SGCZ: variants seen among roughly 807,000 people sequenced by gnomAD.
SGCZ encodes the protein zeta-sarcoglycan.
SGCZ carries 40 observed loss-of-function variants against 41.3 expected under a neutral mutation model. The ratio of observed to expected loss-of-function variants is 0.97; its 90% CI spans 0.75 to 1.26. SGCZ has a LOEUF of 1.26. Ranked by LOEUF, SGCZ falls within the 50% of genes most tolerant of loss-of-function variation. The pLI, the probability that SGCZ is intolerant of heterozygous loss-of-function variation, is 0.00. For missense variants in SGCZ, 552 were observed against 369.8 expected, an observed-to-expected ratio of 1.49 and a Z score of -4.04; for synonymous variants, 206 against 137.5, an observed-to-expected ratio of 1.50 and a Z score of -3.49.
intron 1 of SGCZ, among the ~76,000 whole-genome samples, chr8:15,217,285 C>A (rs12682420): frequency 0.24 from 36,099 of 151,020 alleles, 4,646 homozygotes; most frequent in East Asian, 0.42. Context: ...GGCGTGTTGG[C>A]GGGCGCCTGT....
intron 3 of SGCZ, among the ~76,000 whole-genome samples, chr8:14,300,244 CAGGA>C (rs1360182751): frequency 1.4e-5 from 2 of 146,716 alleles, no homozygotes; most frequent in African/African-American, 5.0e-5. Context: ...CAGCTAAATA[CAGGA>C]AGGAAGGAAG....
chr8:14,491,582 T>C (rs1374199030), intron 2 of SGCZ, among the ~76,000 whole-genome samples: 1 of 152,188 alleles, frequency 6.6e-6, no homozygotes, highest in Non-Finnish European at 1.5e-5. Context: ...CTTTAATAGA[T>C]AAAGGAAAGC....
chr8:14,439,261 G>C (rs370347569), intron 2 of SGCZ, among the ~76,000 whole-genome samples: 2 of 149,062 alleles, frequency 1.3e-5, no homozygotes, highest in Non-Finnish European at 3.0e-5. Flanking sequence ...TTTTGGCTTG[G>C]TATTGTTGCT....
At chr8:14,928,280 C>T (rs1000546069) in intron 1 of SGCZ, among the ~76,000 whole-genome samples, 8 of 152,128 alleles carry the variant, frequency 5.3e-5, no homozygotes, top group Admixed American at 2.6e-4. Flanking sequence ...TATGATCATA[C>T]GCCATGGAAT....
chr8:14,416,438 T>A (rs1030956990), intron 2 of SGCZ, among the ~76,000 whole-genome samples: 4 of 151,912 alleles, frequency 2.6e-5, no homozygotes, highest in African/African-American at 9.7e-5. Flanking sequence ...GAAAGAGTAT[T>A]CAAAATTATT....
At chr8:14,214,957 A>C (rs1805944212) in intron 4 of SGCZ, among the ~76,000 whole-genome samples, 1 of 152,158 alleles carries the variant, frequency 6.6e-6, no homozygotes, top group Non-Finnish European at 1.5e-5. Flanking sequence ...AATTAAGATG[A>C]TTAGGGGAAA....
At chr8:14,673,035 G>T (rs1808154486) in intron 1 of SGCZ, among the ~76,000 whole-genome samples, 1 of 152,192 alleles carries the variant, frequency 6.6e-6, no homozygotes, top group Non-Finnish European at 1.5e-5. Flanking sequence ...GATTTGGCCT[G>T]AGGCTGTTGT....
At chr8:15,137,126 A>G (rs1261332200) in intron 1 of SGCZ, among the ~76,000 whole-genome samples, 1 of 152,186 alleles carries the variant, frequency 6.6e-6, no homozygotes, top group African/African-American at 2.4e-5. Context: ...TTAGAGGGAG[A>G]TAAGGAACTT....
intron 1 of SGCZ, among the ~76,000 whole-genome samples, chr8:15,195,644 C>G (rs1003717465): frequency 6.6e-6 from 1 of 152,102 alleles, no homozygotes; most frequent in Non-Finnish European, 1.5e-5. Flanking sequence ...CAGTGAAATA[C>G]TTCTATAAGG....
chr8:14,772,185 C>T (rs533386432), intron 1 of SGCZ, among the ~76,000 whole-genome samples: 5 of 152,096 alleles, frequency 3.3e-5, no homozygotes, highest in East Asian at 1.9e-4. Context: ...TGTAAGTGTT[C>T]GGAACACATT....
intron 3 of SGCZ, among the ~76,000 whole-genome samples, chr8:14,270,628 T>G (rs1161038406): frequency 6.6e-6 from 1 of 152,136 alleles, no homozygotes; most frequent in Non-Finnish European, 1.5e-5. Context: ...AGCCTATACC[T>G]TTCTTCCTTA....
At chr8:14,341,560 C>T (rs1002695186) in intron 2 of SGCZ, among the ~76,000 whole-genome samples, 1 of 151,900 alleles carries the variant, frequency 6.6e-6, no homozygotes, top group African/African-American at 2.4e-5. Context: ...TCTTTCAAGC[C>T]CTTGTTCATT....
intron 2 of SGCZ, among the ~76,000 whole-genome samples, chr8:14,449,099 C>T (rs1800516976): frequency 6.6e-6 from 1 of 152,128 alleles, no homozygotes; most frequent in Non-Finnish European, 1.5e-5. Context: ...CCAGCAAGTC[C>T]CTGCAGCCCA....
chr8:14,716,707 T>A (rs1020362760), intron 1 of SGCZ, among the ~76,000 whole-genome samples: 8 of 152,210 alleles, frequency 5.3e-5, no homozygotes, highest in African/African-American at 1.4e-4. Context: ...ATAACACAAG[T>A]TTCTAAATGC....
At position 14,420,990 on chromosome 8, in the gene SGCZ, T is replaced by C. The variant is rs114522676; in HGVS notation, c.235-96786A>G. On this transcript the variant is annotated intron_variant, in intron 2 of 7. Coordinates refer to ENST00000382080, the MANE Select transcript of SGCZ (RefSeq NM_139167.4). ...AGAGGGATCACACTATTTCAGAAGA[T>C]ATTTGTAAAGTACTTTAAGGACTTT... Among the ~76,000 whole-genome samples the C allele has an allele frequency of 5.3e-3, 802 of 152,256 alleles. 7 individuals carry two copies. The highest frequency in any genetic ancestry group is 0.017 in the African/African-American group (719 of 41,564).
At chr8:14,805,516 A>G (rs1461308616) in intron 1 of SGCZ, among the ~76,000 whole-genome samples, 11 of 138,270 alleles carry the variant, frequency 8.0e-5, no homozygotes, top group Non-Finnish European at 1.8e-4. Flanking sequence ...GATCAATTCA[A>G]CAAGAGGAGC....
intron 1 of SGCZ, among the ~76,000 whole-genome samples, chr8:15,044,098 T>G (rs1325332420): frequency 6.6e-6 from 1 of 152,192 alleles, no homozygotes; most frequent in Non-Finnish European, 1.5e-5. Context: ...AGATGTTGAT[T>G]TATTTACAAA....
At chr8:15,031,950 T>C (rs889955573) in intron 1 of SGCZ, among the ~76,000 whole-genome samples, 5 of 151,914 alleles carry the variant, frequency 3.3e-5, no homozygotes, top group African/African-American at 1.2e-4. Flanking sequence ...TCTGTCTGTC[T>C]ATATACTCCA....
At chr8:14,566,688 C>T (rs1002502809) in intron 1 of SGCZ, among the ~76,000 whole-genome samples, 4 of 152,238 alleles carry the variant, frequency 2.6e-5, no homozygotes, top group African/African-American at 9.6e-5. Context: ...CGCTCGCTCT[C>T]GGCACCTCCT....
Sources: gnomAD v4.1 joint callset for allele counts (sites outside exome capture counted in the v4.1 genomes callset) on GRCh38, gnomAD v4.1.1 for gene constraint, MANE v1.5 for transcripts, NCBI Gene and HGNC (gene_info 2026-07-23, HGNC 2026-07-21) for gene names.